The following ADAM18 variants were observed in gnomAD, a reference collection of about 807,000 sequenced individuals.
The protein encoded by ADAM18 is disintegrin and metalloproteinase domain-containing protein 18.
A neutral mutation model predicts 94.4 loss-of-function variants in ADAM18; 117 were observed. That is an observed-to-expected ratio of 1.24 (90% CI 1.07 to 1.45). The LOEUF (loss-of-function observed/expected upper bound fraction) is 1.45, where lower values mean the gene tolerates loss of function less well. Among genes scored for constraint, ADAM18 ranks in the 40% most tolerant of loss-of-function variants. The pLI is 0.00. For missense variants in ADAM18, 936 were observed against 880.0 expected, an observed-to-expected ratio of 1.06 and a Z score of -0.81; for synonymous variants, 327 against 291.6, an observed-to-expected ratio of 1.12 and a Z score of -1.24.
chr8:39,694,314 A>T (rs945185244), intron 17 of ADAM18, among the ~76,000 whole-genome samples: 3 of 151,236 alleles, frequency 2.0e-5, no homozygotes, highest in Non-Finnish European at 4.5e-5. Flanking sequence ...TTTACCAAAG[A>T]CTTTTTCTGC....
chr8:39,688,527 C>A (rs554562907), intron 16 of ADAM18, among the ~76,000 whole-genome samples: 1 of 152,116 alleles, frequency 6.6e-6, no homozygotes, highest in Non-Finnish European at 1.5e-5. Flanking sequence ...GAATAATGAC[C>A]TCCAGCTCCA....
In ADAM18 at chr8:39,632,134, T is replaced by A. The variant is rs551881977; in HGVS notation, c.588+2695T>A. On this transcript the variant is annotated intron_variant, in intron 7 of 19. Coordinates refer to ENST00000265707, the MANE Select transcript of ADAM18 (RefSeq NM_014237.3). ...TTTTTTAATTTCAAATTTTAATTTT[T>A]AATTTTTTTCTTTATCAATTTTTAC... 9.2e-5 allele frequency among the ~76,000 whole-genome samples: 14 copies of A among 152,076 alleles called. 1 individual carries two copies. In the East Asian group the frequency reaches 2.3e-3, roughly 25 times the overall value.
chr8:39,642,029 T>G (rs921180623), intron 10 of ADAM18, among the ~76,000 whole-genome samples: 3 of 152,188 alleles, frequency 2.0e-5, no homozygotes, highest in Admixed American at 1.3e-4. Flanking sequence ...GAGCTTTTTC[T>G]CATATGATTG....
chr8:39,695,544 A>G (rs185400623), intron 17 of ADAM18, among the ~76,000 whole-genome samples: 4 of 151,424 alleles, frequency 2.6e-5, no homozygotes, highest in Admixed American at 6.6e-5. Flanking sequence ...TCTATGATGA[A>G]GCATCTTAAT....
chr8:39,712,032 G>A (rs538693174), intron 18 of ADAM18, among the ~76,000 whole-genome samples: 2 of 134,516 alleles, frequency 1.5e-5, no homozygotes, highest in African/African-American at 5.7e-5. Flanking sequence ...ATCAGAGAAG[G>A]CCCCCCCCCG....
chr8:39,674,621 C>G (rs1306807417), intron 14 of ADAM18, among the ~76,000 whole-genome samples: 1 of 152,166 alleles, frequency 6.6e-6, no homozygotes, highest in Non-Finnish European at 1.5e-5. Context: ...AGCCCATTTA[C>G]ATTTAAGGTT....
chr8:39,621,822 G>C (rs1225142733), intron 6 of ADAM18, among the ~76,000 whole-genome samples: 1 of 152,110 alleles, frequency 6.6e-6, no homozygotes, highest in Non-Finnish European at 1.5e-5. Context: ...AACTAAAGCA[G>C]GAACAGAAAA....
intron 14 of ADAM18, among the ~76,000 whole-genome samples, chr8:39,668,825 T>C (rs1195691742): frequency 1.3e-5 from 2 of 152,140 alleles, no homozygotes; most frequent in African/African-American, 2.4e-5. Flanking sequence ...ATATATATAA[T>C]TATTTTCTAG....
At chr8:39,714,889 A>G (rs1426506156) in intron 18 of ADAM18, among the ~76,000 whole-genome samples, 21 of 152,122 alleles carry the variant, frequency 1.4e-4, no homozygotes, top group Non-Finnish European at 7.4e-5. Flanking sequence ...TTTCACTTAA[A>G]GTTGCATTTT....
At chr8:39,636,265 C>T (rs945139193) in intron 7 of ADAM18, among the ~76,000 whole-genome samples, 13 of 152,008 alleles carry the variant, frequency 8.6e-5, no homozygotes, top group African/African-American at 2.9e-4. Flanking sequence ...GGGTTATAGG[C>T]GTGAGTCACT....
intron 17 of ADAM18, among the ~76,000 whole-genome samples, chr8:39,694,083 C>G (rs909806160): frequency 7.3e-5 from 11 of 151,248 alleles, no homozygotes; most frequent in African/African-American, 2.7e-4. Flanking sequence ...ATCTAAGCAT[C>G]AGTATAAAGA....
chr8:39,681,865 T>C (rs1821471002), intron 16 of ADAM18, among the ~76,000 whole-genome samples: 1 of 152,204 alleles, frequency 6.6e-6, no homozygotes, highest in Admixed American at 6.5e-5. Context: ...ATAAACTTGG[T>C]GATCTAGCTT....
rs71237188 is a variant in ADAM18 at position 39,701,117 on chromosome 8, CAAAAAAAAAAAAAAA to C, written c.1903-5655_1903-5641del. Among the ~76,000 whole-genome samples, 2 of 34,552 alleles carry C rather than the reference CAAAAAAAAAAAAAAA, an allele frequency of 5.8e-5. 1 individual carries two copies. Among genetic ancestry groups the C allele is most frequent in the East Asian group, 2.5e-3 (2 of 800 alleles). The allele number at this position is 34,552 out of a possible 152,430, so 22.7% of individuals were successfully genotyped here. ...TGGGCGACAGAGCAAGACTCTGTCT[CAAAAAAAAAAAAAAA>C]AAAAAAAAAAAAAAAAATTTATTGT... On this transcript the variant is annotated intron_variant, in intron 17 of 19. Transcript: ENST00000265707.
intron 6 of ADAM18, 171 bp downstream of exon 6, chr8:39,610,877 A>T: frequency 4.7e-6 from 6 of 1,270,106 alleles, no homozygotes; most frequent in Non-Finnish European, 6.1e-6. Context: ...GGAAAGTTAC[A>T]TATTTCAAGC....
chr8:39,656,994 T>C (rs983810440), intron 12 of ADAM18, among the ~76,000 whole-genome samples: 4 of 152,202 alleles, frequency 2.6e-5, no homozygotes, highest in African/African-American at 9.6e-5. Flanking sequence ...AACACATACA[T>C]AAATGTGATC....
rs1372809835 is a variant in ADAM18, at chr8:39,606,346, C to G, written c.172C>G (p.Leu58Val). 1 of 1,556,860 alleles carries G rather than the reference C, an allele frequency of 6.4e-7. No homozygotes were observed. Among genetic ancestry groups the G allele is most frequent in the Non-Finnish European group, 8.7e-7 (1 of 1,145,926 alleles). ...TACAATTGATGGACAACCTTACACT[C>G]TACATCTCGGAAAACAGTAAGATAT... Reference protein sequence around the residue: ...IITIDGQPYTLHLGKQSFLPQ... With the variant: ...IITIDGQPYTVHLGKQSFLPQ... The change falls in exon 3 of 20, where the codon CTA (leucine) becomes GTA (valine). Residue 58 changes from leucine (L) to valine (V), a missense_variant. Transcript: ENST00000265707.
At chr8:39,670,512 A>G (rs1821124652) in intron 14 of ADAM18, among the ~76,000 whole-genome samples, 1 of 152,200 alleles carries the variant, frequency 6.6e-6, no homozygotes, top group African/African-American at 2.4e-5. Context: ...TATTAAGTAA[A>G]TTTAAACTTT....
chr8:39,644,439 C>G (rs1187543864), intron 10 of ADAM18, among the ~76,000 whole-genome samples: 1 of 152,116 alleles, frequency 6.6e-6, no homozygotes, highest in Non-Finnish European at 1.5e-5. Flanking sequence ...AAGTGTGCAT[C>G]ATCTTGCTGG....
At position 39,591,166 on chromosome 8, in the gene ADAM18, C is replaced by T. The variant is rs142001768; in HGVS notation, c.132+5814C>T. On this transcript the variant is annotated intron_variant, in intron 2 of 19. Coordinates refer to ENST00000265707, the MANE Select transcript of ADAM18 (RefSeq NM_014237.3). ...TAATCTTTTGCTGGTTACAATCAGG[C>T]CTTGTCTGATGTTGATGGCTGCTGA... Among the ~76,000 whole-genome samples, 45 of 152,196 alleles carry T rather than the reference C, an allele frequency of 3.0e-4. No homozygotes were observed. The East Asian group carries it at 8.3e-3, about 28-fold the overall frequency.
Sources: allele counts gnomAD v4.1 joint callset (sites outside exome capture counted in the v4.1 genomes callset), GRCh38; gene constraint gnomAD v4.1.1; transcripts MANE v1.5; gene names NCBI Gene and HGNC (gene_info 2026-07-23, HGNC 2026-07-21).